CAP2: variants seen among roughly 807,000 people sequenced by gnomAD.
CAP2 encodes the protein adenylyl cyclase-associated protein 2.
A neutral mutation model predicts 57.7 loss-of-function variants in CAP2; 24 were observed. That is an observed-to-expected ratio of 0.42 (90% confidence interval 0.30 to 0.58). CAP2 has a LOEUF of 0.58. Among genes scored for constraint, CAP2 ranks in the 20% least tolerant of loss-of-function variants. The pLI is 0.22. For synonymous variants in CAP2, 194 were observed against 207.2 expected (o/e 0.94, Z 0.55); for missense variants, 501 against 590.3 (o/e 0.85, Z 1.57).
intron 1 of CAP2, among the ~76,000 whole-genome samples, chr6:17,405,180 G>A (rs909209087): frequency 6.6e-6 from 1 of 152,100 alleles, no homozygotes; most frequent in Admixed American, 6.5e-5. Context: ...GTCAGGATTC[G>A]AGATCAGCCT....
intron 1 of CAP2, among the ~76,000 whole-genome samples, chr6:17,405,498 G>GTCTCTCTCTC (rs57158664): frequency 8.1e-5 from 12 of 148,514 alleles, no homozygotes; most frequent in African/African-American, 2.9e-4. Context: ...TGAATGTGGA[G>GTCTCTCTCTC]TCTCTCTCTC....
intron 3 of CAP2, among the ~76,000 whole-genome samples, chr6:17,442,992 C>T (rs1298325163): frequency 1.3e-5 from 2 of 152,108 alleles, no homozygotes; most frequent in Non-Finnish European, 2.9e-5. Context: ...GCTGGGATTA[C>T]AGGCATGAGC....
chr6:17,469,398 G>T (rs1164756164), intron 4 of CAP2, among the ~76,000 whole-genome samples: 3 of 151,594 alleles, frequency 2.0e-5, no homozygotes, highest in Non-Finnish European at 4.4e-5. Flanking sequence ...CTCTGTGTGT[G>T]TGTGTGTCTG....
Position 17,471,560 on chromosome 6 carries a change from C to T in CAP2, c.300+8487C>T, listed in dbSNP as rs574758830. ...AAAGGTAAAAAAGTTAGGCCGGGCA[C>T]GGTGGCTCAAGCCTGTAATCCCAGC... On this transcript the variant is annotated intron_variant, in intron 4 of 12. Coordinates refer to ENST00000229922, the MANE Select transcript of CAP2 (RefSeq NM_006366.3). Among the ~76,000 whole-genome samples, 15 of 152,244 alleles carry T rather than the reference C, an allele frequency of 9.9e-5. No individual in the cohort carries two copies. The South Asian group carries it at 2.7e-3, about 27-fold the overall frequency.
In CAP2 at chr6:17,551,447, AT is replaced by A; in HGVS notation, c.1210-11del. 2 of 1,577,374 alleles carry A rather than the reference AT, an allele frequency of 1.3e-6. No homozygotes were observed. Among genetic ancestry groups the A allele is most frequent in the Non-Finnish European group, 8.6e-7 (1 of 1,159,272 alleles). On this transcript the variant is annotated splice_polypyrimidine_tract_variant and intron_variant, in intron 11 of 12. Transcript: ENST00000229922. ...CTGTTTCTTTGCTTTGGTCCCAGGT[AT>A]TTTTTCCTATTTCAGGTAATGGGGA... is the stretch of plus-strand genomic sequence containing the variant.
intron 3 of CAP2, among the ~76,000 whole-genome samples, chr6:17,450,594 C>T (rs1760377104): frequency 6.6e-6 from 1 of 152,074 alleles, no homozygotes. Context: ...TGGAGGTTGC[C>T]AGGGCAACAG....
At chr6:17,553,074 G>A (rs1470896149) in intron 12 of CAP2, among the ~76,000 whole-genome samples, 1 of 152,212 alleles carries the variant, frequency 6.6e-6, no homozygotes, top group East Asian at 1.9e-4. Context: ...CAGCTTCAGA[G>A]TAGGAGAGTC....
chr6:17,452,038 A>C (rs1258090412), intron 3 of CAP2, among the ~76,000 whole-genome samples: 2 of 152,234 alleles, frequency 1.3e-5, no homozygotes, highest in East Asian at 3.8e-4. Flanking sequence ...AAGTCTAAAA[A>C]ACCCAATCAT....
At chr6:17,470,125 C>T (rs936915097) in intron 4 of CAP2, among the ~76,000 whole-genome samples, 6 of 152,064 alleles carry the variant, frequency 3.9e-5, no homozygotes, top group African/African-American at 9.7e-5. Context: ...AATCCAAATG[C>T]GAGAAAAACG....
intron 1 of CAP2, among the ~76,000 whole-genome samples, chr6:17,404,557 A>G (rs2113506231): frequency 6.6e-6 from 1 of 151,928 alleles, no homozygotes; most frequent in Admixed American, 6.6e-5. Context: ...GTGAGCCCAG[A>G]TGGCGCCACT....
intron 9 of CAP2, among the ~76,000 whole-genome samples, chr6:17,541,903 T>C (rs1240283178): frequency 6.6e-6 from 1 of 152,164 alleles, no homozygotes; most frequent in Non-Finnish European, 1.5e-5. Flanking sequence ...TCTTCAACTT[T>C]TTAAATTATT....
intron 9 of CAP2, among the ~76,000 whole-genome samples, chr6:17,541,693 GA>G (rs1220549005): frequency 6.6e-6 from 1 of 151,396 alleles, no homozygotes; most frequent in Non-Finnish European, 1.5e-5. Context: ...TAGCTATTTT[GA>G]AATATTTAAG....
chr6:17,430,034 G>A (rs1759686416), intron 3 of CAP2, among the ~76,000 whole-genome samples: 1 of 152,182 alleles, frequency 6.6e-6, no homozygotes, highest in Non-Finnish European at 1.5e-5. Context: ...TGACACAAAT[G>A]TGCATCATAT....
intron 7 of CAP2, among the ~76,000 whole-genome samples, chr6:17,534,445 C>T (rs1178026037): frequency 2.0e-5 from 3 of 152,168 alleles, no homozygotes; most frequent in Non-Finnish European, 2.9e-5. Flanking sequence ...AGAACCCTGT[C>T]ATGTCTTACC....
At chr6:17,399,411 C>T (rs1758753769) in intron 1 of CAP2, among the ~76,000 whole-genome samples, 1 of 152,132 alleles carries the variant, frequency 6.6e-6, no homozygotes, top group African/African-American at 2.4e-5. Context: ...TTGTTTCTGT[C>T]TTTAGTAGAC....
intron 7 of CAP2, among the ~76,000 whole-genome samples, chr6:17,518,350 TCTC>T (rs1487001318): frequency 1.3e-5 from 2 of 152,210 alleles, no homozygotes; most frequent in Non-Finnish European, 2.9e-5. Flanking sequence ...CAAGCTAATT[TCTC>T]CTCTCTGACT....
intron 1 of CAP2, among the ~76,000 whole-genome samples, chr6:17,414,084 G>C (rs1013812531): frequency 5.3e-5 from 8 of 151,586 alleles, no homozygotes; most frequent in African/African-American, 7.3e-5. Context: ...TAACAATCTA[G>C]GACAGTCTGA....
intron 4 of CAP2, among the ~76,000 whole-genome samples, chr6:17,476,874 T>G (rs1761161442): frequency 7.3e-6 from 1 of 137,874 alleles, no homozygotes; most frequent in Admixed American, 7.3e-5. Flanking sequence ...CTTTTTTTTT[T>G]TTTTTTTTTT....
chr6:17,394,906 A>T (rs1758631200), intron 1 of CAP2, among the ~76,000 whole-genome samples: 1 of 152,226 alleles, frequency 6.6e-6, no homozygotes, highest in South Asian at 2.1e-4. Context: ...GATAGACAAT[A>T]AAAGTGTGTG....
Sources: gnomAD v4.1 joint callset for allele counts (sites outside exome capture counted in the v4.1 genomes callset) on GRCh38, gnomAD v4.1.1 for gene constraint, MANE v1.5 for transcripts, NCBI Gene and HGNC (gene_info 2026-07-23, HGNC 2026-07-21) for gene names.